Variants in SORCS1 observed in about 807,000 individuals in gnomAD.
The protein encoded by SORCS1 is sortilin related VPS10 domain containing receptor 1, also known as VPS10 domain-containing receptor SorCS1.
In SORCS1, 60 loss-of-function variants were observed where a neutral mutation model predicts 146.1. The observed-to-expected ratio is 0.41, with a 90% CI of 0.33 to 0.51. The LOEUF (loss-of-function observed/expected upper bound fraction) is 0.51. Ranked by LOEUF, SORCS1 falls within the 20% of genes least tolerant of loss-of-function variation. The probability of loss-of-function intolerance (pLI) is 0.21; values close to 1 mark genes in which losing one functional copy is unlikely to be tolerated. For missense variants in SORCS1, 1,352 were observed against 1,487.6 expected (o/e 0.91, Z 1.50); for synonymous variants, 637 against 584.0 (o/e 1.09, Z -1.31).
intron 3 of SORCS1, among the ~76,000 whole-genome samples, chr10:106,788,359 C>A (rs1946156304): frequency 6.6e-6 from 1 of 152,174 alleles, no homozygotes; most frequent in South Asian, 2.1e-4. Context: ...CCTCCAAAGT[C>A]TCAACTCATT....
chr10:106,960,148 G>A lies in SORCS1; in HGVS notation c.559-3568C>T, dbSNP rs1240443295. On this transcript the variant is annotated intron_variant, in intron 1 of 25. Transcript: ENST00000263054. This position sits in a 1 kb window ranked among gnomAD's most constrained non-coding sequence, Gnocchi z 4.4. ...TTTTAAGGTTCCTCTCTAAATCTTAGGATATTATCTTTAAATAGCTATGAC... is the reference window on the plus strand; with the variant it reads ...TTTTAAGGTTCCTCTCTAAATCTTAAGATATTATCTTTAAATAGCTATGAC... Among the ~76,000 whole-genome samples, 2 of 152,066 alleles carry A rather than the reference G, an allele frequency of 1.3e-5. No homozygotes were observed. Among genetic ancestry groups the A allele is most frequent in the Non-Finnish European group, 2.9e-5 (2 of 68,034 alleles).
At chr10:107,046,454 AATAAT>A (rs1300873918) in intron 1 of SORCS1, among the ~76,000 whole-genome samples, 1 of 152,038 alleles carries the variant, frequency 6.6e-6, no homozygotes, top group Non-Finnish European at 1.5e-5. Context: ...CTGTACTACT[AATAAT>A]ATATCTATAT....
intron 1 of SORCS1, among the ~76,000 whole-genome samples, chr10:107,114,649 T>C (rs946650356): frequency 6.6e-6 from 1 of 152,108 alleles, no homozygotes; most frequent in African/African-American, 2.4e-5. Context: ...GGTAGTATAA[T>C]ACTCAATGGT....
intron 6 of SORCS1, among the ~76,000 whole-genome samples, chr10:106,711,489 C>T (rs755499421): frequency 5.9e-5 from 9 of 152,128 alleles, no homozygotes; most frequent in Non-Finnish European, 1.2e-4. Context: ...GTGTACCTAC[C>T]TGTATTCTGC....
chr10:107,159,022 G>A (rs765670484), intron 1 of SORCS1, among the ~76,000 whole-genome samples: 1 of 151,770 alleles, frequency 6.6e-6, no homozygotes, highest in East Asian at 1.9e-4. Flanking sequence ...GGGGGGGAAG[G>A]GGGGTCCAAA....
chr10:106,813,286 G>A (rs7906135), intron 3 of SORCS1, among the ~76,000 whole-genome samples: 12 of 151,268 alleles, frequency 7.9e-5, no homozygotes, highest in South Asian at 4.2e-4. Context: ...GCACCCACCC[G>A]CAAGCCCAGC....
chr10:106,957,087 T>A (rs1954979349), intron 1 of SORCS1, among the ~76,000 whole-genome samples: 1 of 151,670 alleles, frequency 6.6e-6, no homozygotes, highest in African/African-American at 2.4e-5. Context: ...TAATGCTATC[T>A]CCCAAAAGAA....
intron 2 of SORCS1, among the ~76,000 whole-genome samples, chr10:106,857,200 A>G (rs77861864): frequency 0.01 from 1,566 of 152,290 alleles, 29 homozygotes; most frequent in African/African-American, 0.034. Context: ...ATGAATGCCT[A>G]ATGGGCACGT....
intron 5 of SORCS1, among the ~76,000 whole-genome samples, chr10:106,745,750 A>G (rs1008330672): frequency 6.6e-6 from 1 of 152,212 alleles, no homozygotes; most frequent in Non-Finnish European, 1.5e-5. Flanking sequence ...TTCAATGGAG[A>G]AATCTGGGAG....
intron 2 of SORCS1, among the ~76,000 whole-genome samples, chr10:106,908,094 A>G (rs994621646): frequency 1.3e-5 from 2 of 152,176 alleles, no homozygotes; most frequent in African/African-American, 4.8e-5. Flanking sequence ...TATACAGGTC[A>G]GGACTATATG....
intron 1 of SORCS1, among the ~76,000 whole-genome samples, chr10:107,032,738 C>A (rs1958719964): frequency 6.6e-6 from 1 of 152,136 alleles, no homozygotes; most frequent in African/African-American, 2.4e-5. Flanking sequence ...GCTGTTATTG[C>A]TGAAACTGTT....
intron 2 of SORCS1, among the ~76,000 whole-genome samples, chr10:106,893,546 A>G (rs1800431696): frequency 6.6e-6 from 1 of 152,254 alleles, no homozygotes; most frequent in South Asian, 2.1e-4. Flanking sequence ...AAATAAATCA[A>G]TGCGGTATAA....
intron 1 of SORCS1, among the ~76,000 whole-genome samples, chr10:107,062,873 GT>G (rs1961364929): frequency 6.6e-6 from 1 of 152,154 alleles, no homozygotes; most frequent in South Asian, 2.1e-4. Context: ...TCAGTCTGCT[GT>G]TTTGTTTTTG....
intron 1 of SORCS1, among the ~76,000 whole-genome samples, chr10:107,142,078 T>C (rs1428607027): frequency 3.3e-5 from 5 of 152,186 alleles, no homozygotes. Context: ...TTAATCACTT[T>C]AATCTCCCAT....
rs7082289 is a variant in SORCS1 at position 106,607,262 on chromosome 10, C to T, written c.3069G>A (p.Ala1023=). The change falls in exon 23 of 26, where the codon GCG becomes GCA. Residue 1023 remains alanine (A), a synonymous_variant. Transcript: ENST00000263054. ...CAGTGGTGGGTAAGCCAGGGAGCAC[C>T]GCCACCAGGATGTGCTGGCCTGGAA... is the stretch of plus-strand genomic sequence containing the variant. ...TGVPGQHILV[A]VLPGLPTTAE... is the part of the protein sequence containing the mutation. The T allele has an allele frequency of 0.11, 182,463 of 1,613,766 alleles. 14,820 individuals are homozygous for T. The highest frequency in any genetic ancestry group is 0.32 in the South Asian group (28,954 of 91,064).
chr10:106,778,678 A>G (rs1860652147), intron 3 of SORCS1, among the ~76,000 whole-genome samples: 1 of 152,200 alleles, frequency 6.6e-6, no homozygotes, highest in Admixed American at 6.5e-5. Flanking sequence ...ACAATAATGT[A>G]AAACAACCTT....
chr10:106,673,011 A>G (rs1454630123), intron 14 of SORCS1, 26 bp from the exon 15 acceptor site: 5 of 1,570,208 alleles, frequency 3.2e-6, no homozygotes, highest in Non-Finnish European at 4.4e-6. Context: ...TGATAAAAAT[A>G]ATTACAATGA....
intron 1 of SORCS1, among the ~76,000 whole-genome samples, chr10:107,049,186 T>G (rs1203278574): frequency 6.8e-6 from 1 of 147,240 alleles, no homozygotes; most frequent in Non-Finnish European, 1.5e-5. Flanking sequence ...AAACACCGCA[T>G]GTTCTCACTC....
At chr10:106,968,483 T>C (rs1390083621) in intron 1 of SORCS1, among the ~76,000 whole-genome samples, 13 of 152,270 alleles carry the variant, frequency 8.5e-5, no homozygotes, top group Non-Finnish European at 1.6e-4. Flanking sequence ...GGGGCCCTTC[T>C]GTTCCTATGC....
Sources: gnomAD v4.1 joint callset for allele counts (sites outside exome capture counted in the v4.1 genomes callset) on GRCh38, gnomAD v4.1.1 for gene constraint, Gnocchi (gnomAD v3.1) non-coding constraint, MANE v1.5 for transcripts, NCBI Gene and HGNC (gene_info 2026-07-23, HGNC 2026-07-21) for gene names.